The following ADAMTS20 variants were observed in gnomAD, a reference collection of about 807,000 sequenced individuals.
ADAMTS20 encodes ADAM metallopeptidase with thrombospondin type 1 motif 20.
ADAMTS20 carries 225 observed loss-of-function variants against 260.1 expected under a neutral mutation model. That is an observed-to-expected ratio of 0.87 (90% CI 0.78 to 0.97). The LOEUF (loss-of-function observed/expected upper bound fraction) is 0.97. Among genes scored for constraint, ADAMTS20 ranks in the 50% least tolerant of loss-of-function variants. The pLI, the probability that ADAMTS20 is intolerant of heterozygous loss-of-function variation, is 0.00. For synonymous variants in ADAMTS20, 802 were observed against 769.5 expected (o/e 1.04, Z -0.70); for missense variants, 2,400 against 2,337.7 (o/e 1.03, Z -0.55).
Position 43,430,589 on chromosome 12 carries a change from T to G in ADAMTS20, c.3262-118A>C, listed in dbSNP as rs572539118. On this transcript the variant is annotated intron_variant, in intron 22 of 38. Coordinates refer to ENST00000389420, the MANE Select transcript of ADAMTS20 (RefSeq NM_025003.5). ...TTTTAATAATCTTTTTATCAATCCT[T>G]TATACTAGATTTAAGACTTAAAAAG... The G allele has an allele frequency of 1.5e-4, 142 of 950,182 alleles. No individual in the cohort carries two copies. The African/African-American group carries it at 2.2e-3, about 15-fold the overall frequency. The allele number at this position is 950,182 out of a possible 1,614,324, so 58.9% of individuals were successfully genotyped here.
intron 3 of ADAMTS20, among the ~76,000 whole-genome samples, chr12:43,524,858 TA>T: frequency 6.6e-6 from 1 of 152,316 alleles, no homozygotes; most frequent in East Asian, 1.9e-4. Flanking sequence ...TAAGATTATG[TA>T]AAACAATCCA....
intron 3 of ADAMTS20, among the ~76,000 whole-genome samples, chr12:43,525,634 C>T (rs917531312): frequency 6.6e-6 from 1 of 152,012 alleles, no homozygotes; most frequent in African/African-American, 2.4e-5. Flanking sequence ...AAGAGACTCA[C>T]CTAACACAAG....
chr12:43,375,299 A>T, intron 36 of ADAMTS20, 80 bp downstream of exon 36: 1 of 1,476,154 alleles, frequency 6.8e-7, no homozygotes, highest in Non-Finnish European at 9.1e-7. Context: ...TACCCTGGCT[A>T]CAACATATAC....
chr12:43,534,455 T>G (rs1342721920), intron 2 of ADAMTS20, among the ~76,000 whole-genome samples: 3 of 152,180 alleles, frequency 2.0e-5, no homozygotes, highest in African/African-American at 7.2e-5. Flanking sequence ...AACACAGCAA[T>G]TCCCCTTCTG....
intron 2 of ADAMTS20, among the ~76,000 whole-genome samples, chr12:43,538,225 T>C (rs904944271): frequency 6.6e-6 from 1 of 152,250 alleles, no homozygotes; most frequent in Non-Finnish European, 1.5e-5. Context: ...TGGGGTGAGA[T>C]GATATCTCAC....
intron 3 of ADAMTS20, among the ~76,000 whole-genome samples, chr12:43,523,723 T>C (rs1751659848): frequency 6.6e-6 from 1 of 152,110 alleles, no homozygotes; most frequent in South Asian, 2.1e-4. Flanking sequence ...TGCTCTCCTC[T>C]AGAACATGAG....
At chr12:43,420,186 T>C (rs1473130497) in intron 28 of ADAMTS20, among the ~76,000 whole-genome samples, 1 of 152,312 alleles carries the variant, frequency 6.6e-6, no homozygotes, top group African/African-American at 2.4e-5. Flanking sequence ...GTTACTGAAA[T>C]GTGTTAGGAA....
intron 38 of ADAMTS20, 48 bp downstream of exon 38, chr12:43,356,436 A>G (rs563675660): frequency 1.6e-6 from 2 of 1,257,766 alleles, no homozygotes; most frequent in South Asian, 2.7e-5. Context: ...ATGCTAGTTC[A>G]TAGCTCAGAA....
intron 31 of ADAMTS20, among the ~76,000 whole-genome samples, chr12:43,377,801 CGTGTGTGT>C (rs57655714): frequency 1.3e-5 from 2 of 150,322 alleles, no homozygotes; most frequent in South Asian, 4.2e-4. Flanking sequence ...CCTGTGTGTG[CGTGTGTGT>C]GTGTGTGTGT....
intron 2 of ADAMTS20, among the ~76,000 whole-genome samples, chr12:43,544,027 T>C (rs1032534910): frequency 2.6e-5 from 4 of 152,160 alleles, no homozygotes; most frequent in African/African-American, 7.2e-5. Flanking sequence ...AAATGACTGA[T>C]AAATATTTGC....
At chr12:43,499,806 A>T (rs892739856) in intron 4 of ADAMTS20, among the ~76,000 whole-genome samples, 1 of 151,962 alleles carries the variant, frequency 6.6e-6, no homozygotes, top group Non-Finnish European at 1.5e-5. Flanking sequence ...CCTGGCCAAT[A>T]CTGATTTTTA....
Position 43,428,240 on chromosome 12 carries a change from C to CTGA in ADAMTS20, c.3943_3945dup (p.Ser1315dup). On this transcript the variant is annotated inframe_insertion and splice_region_variant. Transcript: ENST00000389420. The stretch of plus-strand genomic sequence containing the variant: ...AATATAACTCAATAAAGATGGCTTA[C>CTGA]TGATCCCCATGGTCCGGTTCTCCAC... The CTGA allele has an allele frequency of 6.2e-7, 1 of 1,612,976 alleles. No homozygotes were observed.
intron 28 of ADAMTS20, among the ~76,000 whole-genome samples, chr12:43,400,245 C>T (rs1940783101): frequency 6.6e-6 from 1 of 151,846 alleles, no homozygotes; most frequent in Non-Finnish European, 1.5e-5. Flanking sequence ...TTCAGACAAC[C>T]TTTCTCATTC....
chr12:43,529,005 A>G (rs1301696141), intron 3 of ADAMTS20, among the ~76,000 whole-genome samples: 1 of 152,174 alleles, frequency 6.6e-6, no homozygotes, highest in East Asian at 1.9e-4. Flanking sequence ...CCATGAATAG[A>G]CAGTTCTCAA....
chr12:43,551,086 G>A lies in ADAMTS20; in HGVS notation c.276C>T (p.Asn92=). ...FTAYGQLFQL[N]LTADASFLAA... ...CCAGAAAGGATGCATCGGCGGTCAG[G>A]TTCAGCTGGAAGAGCTGCCCGTAGG... Residue 92 remains asparagine (N), a synonymous_variant, in exon 2 of 39, where the codon AAC becomes AAT. Coordinates refer to ENST00000389420, the MANE Select transcript of ADAMTS20 (RefSeq NM_025003.5). This position sits in a 1 kb window ranked among gnomAD's most constrained non-coding sequence, Gnocchi z 4.6. 1 of 1,613,934 alleles carries A rather than the reference G, an allele frequency of 6.2e-7. No individual in the cohort carries two copies. The highest frequency in any genetic ancestry group is 8.5e-7 in the Non-Finnish European group (1 of 1,179,884).
chr12:43,494,775 C>T (rs1205500201), intron 4 of ADAMTS20, among the ~76,000 whole-genome samples: 1 of 152,098 alleles, frequency 6.6e-6, no homozygotes, highest in African/African-American at 2.4e-5. Context: ...TTTTAAAATA[C>T]ATCTACCATG....
chr12:43,371,642 T>C (rs1374948128), intron 36 of ADAMTS20, among the ~76,000 whole-genome samples: 2 of 152,106 alleles, frequency 1.3e-5, no homozygotes, highest in Non-Finnish European at 2.9e-5. Context: ...AGATGAATGT[T>C]CCCGGCAGAT....
At chr12:43,503,444 T>G (rs1313062615) in intron 3 of ADAMTS20, among the ~76,000 whole-genome samples, 1 of 152,136 alleles carries the variant, frequency 6.6e-6, no homozygotes, top group East Asian at 1.9e-4. Context: ...ATAATTCATT[T>G]TAAGTACGAA....
chr12:43,410,189 T>G (rs571008858), intron 28 of ADAMTS20, among the ~76,000 whole-genome samples: 1 of 152,162 alleles, frequency 6.6e-6, no homozygotes, highest in South Asian at 2.1e-4. Flanking sequence ...ACATATGTGA[T>G]GTAAGAAAAA....
Sources: gnomAD v4.1 joint callset for allele counts (sites outside exome capture counted in the v4.1 genomes callset) on GRCh38, gnomAD v4.1.1 for gene constraint, Gnocchi (gnomAD v3.1) non-coding constraint, MANE v1.5 for transcripts, NCBI Gene and HGNC (gene_info 2026-07-23, HGNC 2026-07-21) for gene names.